Variants in TMEM160 observed in about 807,000 individuals in gnomAD.
TMEM160 encodes transmembrane protein 160.
In TMEM160, 10 loss-of-function variants were observed where a neutral mutation model predicts 13.9. The ratio of observed to expected loss-of-function variants is 0.72; its 90% CI spans 0.45 to 1.22. TMEM160 has a LOEUF of 1.22. Ranked by LOEUF, TMEM160 falls within the 50% of genes most tolerant of loss-of-function variation. TMEM160 has a pLI of 0.00. For synonymous variants in TMEM160, 159 were observed against 134.8 expected (o/e 1.18, Z -1.25); for missense variants, 287 against 283.2 (o/e 1.01, Z -0.10).
In TMEM160 at chr19:47,046,681, G is replaced by A. The variant is rs1378070962; in HGVS notation, c.213C>T (p.Phe71=). 1.2e-6 allele frequency: 2 copies of A among 1,612,136 alleles called. No individual in the cohort carries two copies. The highest frequency in any genetic ancestry group is 4.5e-5 in the East Asian group (2 of 44,822). The change falls in exon 2 of 3, where the codon TTC becomes TTT. Residue 71 remains phenylalanine (F), a synonymous_variant. Coordinates refer to ENST00000253047, the MANE Select transcript of TMEM160 (RefSeq NM_017854.2). ...GGAGGCCATTGCGGAACCAGGAGAG[G>A]AAGGCTGGAGGGAGGGGGACATGGG... The part of the protein sequence containing the change: ...WLLRKAHETA[F]LSWFRNGLLA...
intron 1 of TMEM160, among the ~76,000 whole-genome samples, 156 bp from the exon 2 acceptor site, chr19:47,046,841 C>T (rs912211092): frequency 3.3e-5 from 5 of 152,174 alleles, no homozygotes; most frequent in African/African-American, 4.8e-5. Flanking sequence ...TTCCAGGAAG[C>T]CGCTCACCTA....
chr19:47,048,456 G>C lies in TMEM160; in HGVS notation c.159C>G (p.Ser53=). ...GCCAGGCGTCCGCACGATCCAGCTC[G>C]GACACTGGGGGCGGCGAAGCCCCGG... ...PRAGASPPPV[S]ELDRADAWLL... Residue 53 remains serine (S), a synonymous_variant, in exon 1 of 3, where the codon TCC becomes TCG. Coordinates refer to ENST00000253047, the MANE Select transcript of TMEM160 (RefSeq NM_017854.2). 2.1e-6 allele frequency: 3 copies of C among 1,411,346 alleles called. No individual in the cohort carries two copies. The highest frequency in any genetic ancestry group is 9.1e-7 in the Non-Finnish European group (1 of 1,094,760). 87.4% of individuals were successfully genotyped at this position (1,411,346 alleles called of 1,614,324 possible).
At chr19:47,047,352 T>G (rs2057086036) in intron 1 of TMEM160, 9 of 985,320 alleles carry the variant, frequency 9.1e-6, no homozygotes, top group African/African-American at 1.7e-5. Context: ...ACTCACTTCT[T>G]TCTCAGAACT....
Position 47,048,429 on chromosome 19 carries a change from G to A in TMEM160, c.186C>T (p.Leu62=). ...VSELDRADAW[L]LRKAHETAFL... is the part of the protein sequence containing the mutation. Reference sequence around the variant, plus strand: ...GACCTGTCTCGTGCGCTTTTCGGAGGAGCCAGGCGTCCGCACGATCCAGCT... The same window carrying A: ...GACCTGTCTCGTGCGCTTTTCGGAGAAGCCAGGCGTCCGCACGATCCAGCT... Residue 62 remains leucine (L), a synonymous_variant, in exon 1 of 3, where the codon CTC becomes CTT. Transcript: ENST00000253047. 1 of 1,461,306 alleles carries A rather than the reference G, an allele frequency of 6.8e-7. No individual in the cohort carries two copies. The highest frequency in any genetic ancestry group is 9.0e-7 in the Non-Finnish European group (1 of 1,117,182). The allele number at this position is 1,461,306 out of a possible 1,614,324, so 90.5% of individuals were successfully genotyped here. A position where few individuals can be genotyped will look rare whatever the true frequency, so the allele number is the denominator to read the frequency against.
chr19:47,046,563 C>T (rs373096639), intron 2 of TMEM160, 30 bp downstream of exon 2: 100 of 1,580,298 alleles, frequency 6.3e-5, no homozygotes, highest in African/African-American at 5.0e-4. Context: ...TCCCTGGTTC[C>T]GTGGGGCGAG....
At position 47,048,524 on chromosome 19, in the gene TMEM160, C is replaced by G; in HGVS notation, c.91G>C (p.Gly31Arg). The stretch of plus-strand genomic sequence containing the variant: ...GGGGCGAAGGACCCCCGGGCGCCCC[C>G]GCTCCGGGGCCGCTGAGGCGGCAGT... ...SLLPPQRPRS[G>R]GARGSFAPGH... is the part of the protein sequence containing the mutation. The change falls in exon 1 of 3, where the codon GGG becomes CGG. Residue 31 changes from glycine (G) to arginine (R), a missense_variant. By Grantham distance (125) the Gly-to-Arg change is moderately radical. Coordinates refer to ENST00000253047, the MANE Select transcript of TMEM160 (RefSeq NM_017854.2). 1 of 1,484,590 alleles carries G rather than the reference C, an allele frequency of 6.7e-7. No homozygotes were observed. Among genetic ancestry groups the G allele is most frequent in the South Asian group, 1.3e-5 (1 of 79,360 alleles). 92.0% of individuals were successfully genotyped at this position (1,484,590 alleles called of 1,614,324 possible). A position where few individuals can be genotyped will look rare whatever the true frequency, so the allele number is the denominator to read the frequency against.
rs763893188 is a variant in TMEM160, at chr19:47,046,095, C to A, written c.459G>T (p.Val153=). The change falls in exon 3 of 3, where the codon GTG becomes GTT. Residue 153 remains valine, a synonymous_variant. Transcript: ENST00000253047. The part of the protein sequence containing the change: ...LAASLLWACA[V]GLYMGQLELD... ...GCTCCAGCTGCCCCATGTAGAGGCC[C>A]ACGGCGCACGCCCAGAGCAGGCTGG... The A allele has an allele frequency of 9.1e-6, 14 of 1,536,336 alleles. No homozygotes were observed. The highest frequency in any genetic ancestry group is 4.8e-5 in the South Asian group (4 of 84,180).
chr19:47,048,462 T>A lies in TMEM160; in HGVS notation c.153A>T (p.Pro51=). 1 of 1,409,934 alleles carries A rather than the reference T, an allele frequency of 7.1e-7. No individual in the cohort carries two copies. 87.3% of individuals were successfully genotyped at this position (1,409,934 alleles called of 1,614,324 possible). Residue 51 remains proline, a synonymous_variant, in exon 1 of 3, where the codon CCA becomes CCT. Transcript: ENST00000253047. The part of the protein sequence containing the change: ...HGPRAGASPP[P]VSELDRADAW... ...CGTCCGCACGATCCAGCTCGGACAC[T>A]GGGGGCGGCGAAGCCCCGGCGCGGG...
At chr19:47,047,922 G>A (rs1454423145) in intron 1 of TMEM160, 3 of 983,346 alleles carry the variant, frequency 3.1e-6, no homozygotes, top group African/African-American at 3.5e-5. Context: ...CACAAGCCCC[G>A]CCCTCTGCAG....
chr19:47,046,447 G>C, intron 2 of TMEM160, 146 bp downstream of exon 2: 1 of 923,462 alleles, frequency 1.1e-6, no homozygotes, highest in Non-Finnish European at 1.7e-6. Context: ...CCTATGGGAG[G>C]GGTGTCTTCT....
chr19:47,046,565 T>A, intron 2 of TMEM160, 28 bp downstream of exon 2: 1 of 1,579,158 alleles, frequency 6.3e-7, no homozygotes, highest in Non-Finnish European at 8.7e-7. Context: ...CCTGGTTCCG[T>A]GGGGCGAGAG....
At chr19:47,046,310 GC>G in intron 2 of TMEM160, 58 bp from the exon 3 acceptor site, 1 of 1,496,750 alleles carries the variant, frequency 6.7e-7, no homozygotes, top group African/African-American at 1.4e-5. Flanking sequence ...TGGGAGCAAA[GC>G]CAGGGTTGAG....
chr19:47,047,894 T>TCTGGAC, intron 1 of TMEM160: 1 of 984,868 alleles, frequency 1.0e-6, no homozygotes, highest in Non-Finnish European at 1.2e-6. Context: ...TCCGCTCCAT[T>TCTGGAC]CTGGACCTCG....
Position 47,046,008 on chromosome 19 carries a change from C to A in TMEM160, c.546G>T (p.Ala182=). Residue 182 remains alanine (A), a synonymous_variant, in exon 3 of 3, where the codon GCG becomes GCT. Transcript: ENST00000253047. ...TCGCTCACTCGGGTGGCGGCCGACC[C>A]GCCTCATCAGGGCCTTCCGCGGAGG... ...GTASAEGPDE[A]GRPPPE 6.5e-7 allele frequency: 1 copy of A among 1,547,388 alleles called. No homozygotes were observed. Among genetic ancestry groups the A allele is most frequent in the Non-Finnish European group, 8.7e-7 (1 of 1,153,918 alleles).
Position 47,046,033 on chromosome 19 carries a change from GCCGT to G in TMEM160, c.517_520del (p.Thr173ProfsTer35). On this transcript the variant is annotated frameshift_variant, in exon 3 of 3. Transcript: ENST00000253047. LOFTEE classifies it high-confidence loss of function. ...CGCCTCATCAGGGCCTTCCGCGGAG[GCCGT>G]CCCGTCGTCCTCGGGCACCAGCTCC... The G allele has an allele frequency of 6.5e-7, 1 of 1,549,562 alleles. No homozygotes were observed. Among genetic ancestry groups the G allele is most frequent in the Non-Finnish European group, 8.7e-7 (1 of 1,154,936 alleles).
intron 2 of TMEM160, 135 bp from the exon 3 acceptor site, chr19:47,046,387 G>A (rs1009069885): frequency 5.9e-6 from 7 of 1,194,100 alleles, no homozygotes; most frequent in Non-Finnish European, 6.9e-6. Context: ...AGATCGGAGG[G>A]GAGGGGACCA....
chr19:47,046,697 G>A lies in TMEM160; in HGVS notation c.209-12C>T, dbSNP rs555020771. On this transcript the variant is annotated splice_polypyrimidine_tract_variant and intron_variant, in intron 1 of 2. Transcript: ENST00000253047. ...CCAGGAGAGGAAGGCTGGAGGGAGGGGGACATGGGGGGATTAACATCACCC... is the reference window on the plus strand; with the variant it reads ...CCAGGAGAGGAAGGCTGGAGGGAGGAGGACATGGGGGGATTAACATCACCC... 2.0e-5 allele frequency: 32 copies of A among 1,591,960 alleles called. No homozygotes were observed. The East Asian group carries it at 6.7e-4, about 33-fold the overall frequency.
chr19:47,047,726 G>T, intron 1 of TMEM160: 1 of 535,648 alleles, frequency 1.9e-6, no homozygotes, highest in Non-Finnish European at 2.4e-6. Context: ...TATGCCTGTA[G>T]CTCCAGCTAA....
intron 1 of TMEM160, 152 bp downstream of exon 1, chr19:47,048,255 C>T: frequency 1.4e-6 from 1 of 705,338 alleles, no homozygotes; most frequent in Non-Finnish European, 2.1e-6. Context: ...CACCTGCGCT[C>T]TTGCAGTCTG....
Sources: allele counts gnomAD v4.1 joint callset (sites outside exome capture counted in the v4.1 genomes callset), GRCh38; gene constraint gnomAD v4.1.1; transcripts MANE v1.5; gene names NCBI Gene and HGNC (gene_info 2026-07-23, HGNC 2026-07-21).